LRCH1: variants seen among roughly 807,000 people sequenced by gnomAD.
LRCH1 encodes the protein leucine rich repeats and calponin homology domain containing 1.
In LRCH1, 23 loss-of-function variants were observed where a neutral mutation model predicts 94.9. That is an observed-to-expected ratio of 0.24 (90% CI 0.17 to 0.34). The LOEUF is 0.34. Among genes scored for constraint, LRCH1 ranks in the 10% least tolerant of loss-of-function variants. The pLI is 1.00. For synonymous variants in LRCH1, 364 were observed against 354.9 expected, an observed-to-expected ratio of 1.03 and a Z score of -0.29; for missense variants, 790 against 945.9, an observed-to-expected ratio of 0.84 and a Z score of 2.16.
rs756713997 is a variant in LRCH1, at chr13:46,712,516, A to T, written c.1582-9A>T. The T allele has an allele frequency of 6.2e-7, 1 of 1,608,936 alleles. No homozygotes were observed. The highest frequency in any genetic ancestry group is 1.7e-5 in the Admixed American group (1 of 59,862). ...TTTTTCCTAATTTCCTTTCCTTCCA[A>T]CACCACAGATTAGAGAGAACTCCCC... On this transcript the variant is annotated splice_polypyrimidine_tract_variant and intron_variant, in intron 14 of 19. Transcript: ENST00000389797.
chr13:46,654,461 A>G (rs1447193679), intron 2 of LRCH1, among the ~76,000 whole-genome samples: 1 of 152,334 alleles, frequency 6.6e-6, no homozygotes, highest in Admixed American at 6.5e-5. Context: ...GAGACTGCCA[A>G]TCCCCTCACT....
intron 16 of LRCH1, among the ~76,000 whole-genome samples, chr13:46,722,016 T>A (rs1377386075): frequency 6.6e-6 from 1 of 152,260 alleles, no homozygotes; most frequent in African/African-American, 2.4e-5. Context: ...GACTCAAGTC[T>A]TTGTATCCAA....
chr13:46,667,154 C>T (rs7986508), intron 2 of LRCH1, among the ~76,000 whole-genome samples: 96,796 of 151,946 alleles, frequency 0.64, 31,302 homozygotes, highest in Middle Eastern at 0.73. Flanking sequence ...CATGGGTCTG[C>T]ACAATGGAGA....
chr13:46,725,041 C>T (rs937898018), intron 17 of LRCH1, among the ~76,000 whole-genome samples: 7 of 152,216 alleles, frequency 4.6e-5, no homozygotes, highest in Non-Finnish European at 7.3e-5. Context: ...AGAATGAAAT[C>T]ATGTCCTTTG....
At chr13:46,750,737 C>CT (rs1874094103) in exon 19 of LRCH1, 1 of 811,142 alleles carries the variant, frequency 1.2e-6, no homozygotes, top group Non-Finnish European at 2.0e-6. Flanking sequence ...ACCCTCTCTC[C>CT]CACCCACTGC....
At chr13:46,555,129 AAG>A (rs757326963) in intron 1 of LRCH1, among the ~76,000 whole-genome samples, 2 of 152,222 alleles carry the variant, frequency 1.3e-5, no homozygotes, top group Non-Finnish European at 2.9e-5. Context: ...ATCGGCAAAA[AAG>A]AGGGAATTTC....
At chr13:46,662,699 G>C (rs534590580) in intron 2 of LRCH1, among the ~76,000 whole-genome samples, 5 of 152,068 alleles carry the variant, frequency 3.3e-5, no homozygotes, top group Non-Finnish European at 5.9e-5. Flanking sequence ...CTGACCGTTG[G>C]GGGGAATATA....
Position 46,642,546 on chromosome 13 carries a change from C to T in LRCH1, c.308-7655C>T, listed in dbSNP as rs994386156. Among the ~76,000 whole-genome samples the T allele has an allele frequency of 9.2e-5, 14 of 152,196 alleles. 1 individual carries two copies. Among genetic ancestry groups the T allele is most frequent in the South Asian group, 4.1e-4 (2 of 4,830 alleles). On this transcript the variant is annotated intron_variant, in intron 1 of 19. Coordinates refer to ENST00000389797, the MANE Select transcript of LRCH1 (RefSeq NM_001164211.2). ...CTGTGATGATGGACAACTCAAAATA[C>T]GCAAAACTCCATTCCAGGTCAGATT...
chr13:46,655,926 A>G lies in LRCH1; in HGVS notation c.452+5581A>G, dbSNP rs534811598. 9.8e-4 allele frequency among the ~76,000 whole-genome samples: 149 copies of G among 152,264 alleles called. 1 individual carries two copies. The highest frequency in any genetic ancestry group is 3.4e-3 in the African/African-American group (141 of 41,554). ...CCTGGTTTATTCATTAGAAGCCCCA[A>G]CCTCTCCCAACCTACTAGGAGTGGG... On this transcript the variant is annotated intron_variant, in intron 2 of 19. Coordinates refer to ENST00000389797, the MANE Select transcript of LRCH1 (RefSeq NM_001164211.2).
chr13:46,652,747 T>C (rs1215456668), intron 2 of LRCH1, among the ~76,000 whole-genome samples: 2 of 152,224 alleles, frequency 1.3e-5, no homozygotes, highest in Non-Finnish European at 2.9e-5. Context: ...TGTGACATTT[T>C]CACTGCTGGT....
At chr13:46,596,485 A>G (rs1295097870) in intron 1 of LRCH1, among the ~76,000 whole-genome samples, 1 of 152,238 alleles carries the variant, frequency 6.6e-6, no homozygotes, top group Non-Finnish European at 1.5e-5. Context: ...TGGTGCTGCT[A>G]TGAATAGCAA....
intron 1 of LRCH1, among the ~76,000 whole-genome samples, chr13:46,559,298 A>C: frequency 6.6e-6 from 1 of 152,188 alleles, no homozygotes; most frequent in African/African-American, 2.4e-5. Flanking sequence ...TAAATTTGGT[A>C]GTTTTTAACA....
chr13:46,670,301 A>C (rs1335453804), intron 3 of LRCH1, among the ~76,000 whole-genome samples: 8 of 152,242 alleles, frequency 5.3e-5, no homozygotes, highest in Non-Finnish European at 1.2e-4. Context: ...CCATCAGATC[A>C]CTTACGATGA....
chr13:46,681,971 C>G, intron 4 of LRCH1, 125 bp downstream of exon 4: 1 of 152,250 alleles, frequency 6.6e-6, no homozygotes, highest in South Asian at 1.5e-4. Flanking sequence ...TGTGTGCCTA[C>G]TACTTAATTA....
At chr13:46,625,143 G>A (rs7998094) in intron 1 of LRCH1, among the ~76,000 whole-genome samples, 24,871 of 152,232 alleles carry the variant, frequency 0.16, 2,432 homozygotes, top group East Asian at 0.47. Context: ...GTGCCTAGTG[G>A]CGCCCTGTTG....
At chr13:46,722,320 A>C (rs1679909688) in intron 16 of LRCH1, among the ~76,000 whole-genome samples, 1 of 152,166 alleles carries the variant, frequency 6.6e-6, no homozygotes, top group Non-Finnish European at 1.5e-5. Flanking sequence ...GGCTCTGAAC[A>C]GCTCTTTCAT....
chr13:46,730,111 T>C (rs1873024379), intron 18 of LRCH1, among the ~76,000 whole-genome samples: 1 of 152,108 alleles, frequency 6.6e-6, no homozygotes, highest in African/African-American at 2.4e-5. Context: ...TTTATACAAA[T>C]AGAGAAAAAA....
chr13:46,706,340 G>A, intron 13 of LRCH1, among the ~76,000 whole-genome samples: 1 of 152,080 alleles, frequency 6.6e-6, no homozygotes, highest in South Asian at 2.1e-4. Flanking sequence ...CATAATATAG[G>A]GTACCTAAAT....
At chr13:46,749,703 T>A (rs896739386), downstream of LRCH1, among the ~76,000 whole-genome samples, 3 of 152,122 alleles carry the variant, frequency 2.0e-5, no homozygotes, top group Non-Finnish European at 4.4e-5. Context: ...ATATTTGCCG[T>A]GGTGTCTTTT....
Sources: gnomAD v4.1 joint callset for allele counts (sites outside exome capture counted in the v4.1 genomes callset) on GRCh38, gnomAD v4.1.1 for gene constraint, MANE v1.5 for transcripts, NCBI Gene and HGNC (gene_info 2026-07-23, HGNC 2026-07-21) for gene names.